The following PDE8B variants were observed in gnomAD, a reference collection of about 807,000 sequenced individuals.
PDE8B encodes high affinity cAMP-specific and IBMX-insensitive 3',5'-cyclic phosphodiesterase 8B.
In PDE8B, 26 loss-of-function variants were observed where a neutral mutation model predicts 101.3. That is an observed-to-expected ratio of 0.26 (90% confidence interval 0.19 to 0.36). The LOEUF (loss-of-function observed/expected upper bound fraction) is 0.36, where lower values mean the gene tolerates loss of function less well. Among genes scored for constraint, PDE8B ranks in the 10% least tolerant of loss-of-function variants. PDE8B has a pLI of 1.00. For synonymous variants in PDE8B, 424 were observed against 429.3 expected, an observed-to-expected ratio of 0.99 and a Z score of 0.15; for missense variants, 810 against 1,163.1, an observed-to-expected ratio of 0.70 and a Z score of 4.42.
chr5:77,274,742 T>A (rs1289834555), intron 1 of PDE8B, among the ~76,000 whole-genome samples: 1 of 152,166 alleles, frequency 6.6e-6, no homozygotes, highest in African/African-American at 2.4e-5. Flanking sequence ...TATTTCAATG[T>A]CATAGTTGGA....
At chr5:77,193,333 G>A in the PDE8B span, among the ~76,000 whole-genome samples, 1 of 152,046 alleles carries the variant, frequency 6.6e-6, no homozygotes, top group South Asian at 2.1e-4. Flanking sequence ...TAATATTCAT[G>A]TATGGTGTAA....
the PDE8B span, among the ~76,000 whole-genome samples, chr5:77,103,184 A>G: frequency 0.013 from 1,995 of 152,356 alleles, 44 homozygotes; most frequent in African/African-American, 0.044. Context: ...CCAAGTTAGC[A>G]TCTAAAATTA....
the PDE8B span, among the ~76,000 whole-genome samples, chr5:77,092,103 A>C: frequency 0.23 from 34,714 of 152,224 alleles, 4,575 homozygotes; most frequent in Admixed American, 0.35. Context: ...GGCTTGAAAA[A>C]GAGTAGGATT....
chr5:77,228,358 C>A (rs1442906301), intron 1 of PDE8B, among the ~76,000 whole-genome samples: 1 of 152,082 alleles, frequency 6.6e-6, no homozygotes, highest in Non-Finnish European at 1.5e-5. Flanking sequence ...TCATTGGGGG[C>A]TGTGTTGGAA....
intron 10 of PDE8B, among the ~76,000 whole-genome samples, chr5:77,373,106 G>T (rs73136890): frequency 0.055 from 8,220 of 149,854 alleles, 278 homozygotes; most frequent in African/African-American, 0.087. Context: ...CTTTTTTATT[G>T]TTCTGTCTAG....
chr5:77,354,697 C>G (rs1781761310), intron 10 of PDE8B, among the ~76,000 whole-genome samples: 1 of 152,102 alleles, frequency 6.6e-6, no homozygotes. Flanking sequence ...AGAAATTGAC[C>G]AAGCACAGTT....
chr5:77,142,552 A>C, the PDE8B span, among the ~76,000 whole-genome samples: 4 of 152,178 alleles, frequency 2.6e-5, no homozygotes, highest in Non-Finnish European at 4.4e-5. Flanking sequence ...GGGGTTGTCT[A>C]TCTGCCTTAA....
chr5:77,169,412 A>AC, the PDE8B span, among the ~76,000 whole-genome samples: 1 of 152,038 alleles, frequency 6.6e-6, no homozygotes, highest in Admixed American at 6.6e-5. Flanking sequence ...TCAAGGGCTG[A>AC]CCCCCAACGT....
At chr5:77,159,590 A>G in the PDE8B span, among the ~76,000 whole-genome samples, 2 of 152,118 alleles carry the variant, frequency 1.3e-5, no homozygotes, top group African/African-American at 4.8e-5. Flanking sequence ...CCGTTCATAT[A>G]TGTATTTGGG....
the PDE8B span, among the ~76,000 whole-genome samples, chr5:77,203,001 T>C: frequency 6.6e-6 from 1 of 152,250 alleles, no homozygotes; most frequent in Non-Finnish European, 1.5e-5. Flanking sequence ...AGCTGTATTT[T>C]AAAGTTACAG....
intron 1 of PDE8B, among the ~76,000 whole-genome samples, chr5:77,300,420 G>C (rs1769656364): frequency 6.6e-6 from 1 of 152,186 alleles, no homozygotes; most frequent in African/African-American, 2.4e-5. Context: ...ACACAGAACT[G>C]TACCCCTTTC....
the PDE8B span, among the ~76,000 whole-genome samples, chr5:77,107,824 C>T: frequency 2.6e-5 from 4 of 152,118 alleles, no homozygotes; most frequent in African/African-American, 9.7e-5. Flanking sequence ...ATATATCTAA[C>T]CTTCAAATTT....
chr5:77,402,591 CATG>C (rs1792519934), intron 11 of PDE8B, among the ~76,000 whole-genome samples: 1 of 152,156 alleles, frequency 6.6e-6, no homozygotes, highest in South Asian at 2.1e-4. Flanking sequence ...AACAATGTAA[CATG>C]ATCACATGTG....
chr5:77,417,406 T>C lies in PDE8B; in HGVS notation c.1912-823T>C, dbSNP rs538127568. Among the ~76,000 whole-genome samples, 6 of 152,318 alleles carry C rather than the reference T, an allele frequency of 3.9e-5. No individual in the cohort carries two copies. The East Asian group carries it at 9.7e-4, about 25-fold the overall frequency. ...CTCTCCCTCTACATTACAAACTCCA[T>C]TGTGCAGACTGTGCCAGTGTAAATC... On this transcript the variant is annotated intron_variant, in intron 17 of 21. Transcript: ENST00000264917.
the PDE8B span, chr5:77,105,480 T>G: frequency 6.6e-6 from 1 of 152,226 alleles, no homozygotes; most frequent in Non-Finnish European, 1.5e-5. Context: ...AGCTATGATG[T>G]CTGGTAGGTT....
intron 1 of PDE8B, among the ~76,000 whole-genome samples, chr5:77,256,995 G>A (rs1033909430): frequency 6.6e-6 from 1 of 151,980 alleles, no homozygotes; most frequent in Non-Finnish European, 1.5e-5. Context: ...CAGGTGCTAG[G>A]GTAATAGCAG....
intron 10 of PDE8B, among the ~76,000 whole-genome samples, chr5:77,373,578 A>G (rs1785477473): frequency 6.6e-6 from 1 of 152,186 alleles, no homozygotes; most frequent in African/African-American, 2.4e-5. Flanking sequence ...GTTTTATGTA[A>G]ATAAAATTAG....
At chr5:77,106,849 T>C in the PDE8B span, among the ~76,000 whole-genome samples, 1 of 152,062 alleles carries the variant, frequency 6.6e-6, no homozygotes, top group Non-Finnish European at 1.5e-5. Flanking sequence ...GTCATATTTT[T>C]TGACGGCATT....
chr5:77,142,844 T>C, the PDE8B span, among the ~76,000 whole-genome samples: 1 of 152,080 alleles, frequency 6.6e-6, no homozygotes, highest in Non-Finnish European at 1.5e-5. Flanking sequence ...AAGCTACTCA[T>C]TTAAAAACAG....
Sources: allele counts gnomAD v4.1 joint callset (sites outside exome capture counted in the v4.1 genomes callset), GRCh38; gene constraint gnomAD v4.1.1; transcripts MANE v1.5; gene names NCBI Gene and HGNC (gene_info 2026-07-23, HGNC 2026-07-21).